FOXP2: variants seen among roughly 807,000 people sequenced by gnomAD.
FOXP2 encodes the protein forkhead box P2, also known as forkhead box protein P2.
FOXP2 carries 12 observed loss-of-function variants against 115.8 expected under a neutral mutation model. The ratio of observed to expected loss-of-function variants is 0.10; its 90% CI spans 0.07 to 0.17. The LOEUF (loss-of-function observed/expected upper bound fraction) is 0.17, where lower values mean the gene tolerates loss of function less well. FOXP2 is among the 10% of genes least tolerant of loss of function. The pLI, the probability that FOXP2 is intolerant of heterozygous loss-of-function variation, is 1.00. For synonymous variants in FOXP2, 328 were observed against 297.7 expected (o/e 1.10, Z -1.05); for missense variants, 629 against 843.5 (o/e 0.75, Z 3.15).
At chr7:114,159,506 A>AAG (rs1194701018), upstream of FOXP2, among the ~76,000 whole-genome samples, 1 of 151,714 alleles carries the variant, frequency 6.6e-6, no homozygotes, top group South Asian at 2.1e-4. Flanking sequence ...GAAAAAGAAA[A>AAG]AAACAGTAAT....
At chr7:114,248,446 T>C (rs1795348236) in intron 1 of FOXP2, among the ~76,000 whole-genome samples, 1 of 152,048 alleles carries the variant, frequency 6.6e-6, no homozygotes, top group Non-Finnish European at 1.5e-5. Flanking sequence ...ACCATCACAA[T>C]GAGAGAAAAA....
intron 1 of FOXP2, among the ~76,000 whole-genome samples, chr7:114,198,107 G>A (rs1218471760): frequency 1.3e-5 from 2 of 151,940 alleles, no homozygotes; most frequent in South Asian, 2.1e-4. Flanking sequence ...CCAGTGATCC[G>A]CCCATGTCAG....
At chr7:114,397,977 A>T (rs1402502411) in intron 2 of FOXP2, among the ~76,000 whole-genome samples, 1 of 152,124 alleles carries the variant, frequency 6.6e-6, no homozygotes, top group Non-Finnish European at 1.5e-5. Context: ...GAAATCGAAG[A>T]TTAAGTTTTT....
intron 3 of FOXP2, among the ~76,000 whole-genome samples, chr7:114,570,196 A>G (rs1456474336): frequency 6.6e-6 from 1 of 151,946 alleles, no homozygotes; most frequent in Admixed American, 6.6e-5. Context: ...GTAGTTTTCA[A>G]TGCAAATGGT....
At position 114,561,364 on chromosome 7, in the gene FOXP2, T is replaced by C. The variant is rs534013069; in HGVS notation, c.258+26658T>C. 3.9e-5 allele frequency: 6 copies of C among 152,306 alleles called. No homozygotes were observed. The South Asian group carries it at 1.2e-3, about 32-fold the overall frequency. The allele number at this position is 152,306 out of a possible 1,614,324, so 9.4% of individuals were successfully genotyped here. On this transcript the variant is annotated intron_variant, in intron 3 of 16. Coordinates refer to ENST00000350908, the MANE Select transcript of FOXP2 (RefSeq NM_014491.4). Reference sequence around the variant, plus strand: ...GAAACTCAAGACAATAGAAAACTACTGGACAATAGCACCAAGTAATGTATT... The same window carrying C: ...GAAACTCAAGACAATAGAAAACTACCGGACAATAGCACCAAGTAATGTATT...
chr7:114,266,339 A>T (rs1795892999), intron 1 of FOXP2, among the ~76,000 whole-genome samples: 1 of 152,202 alleles, frequency 6.6e-6, no homozygotes, highest in Admixed American at 6.5e-5. Flanking sequence ...TATAGAGGAA[A>T]TACCTTAGAC....
At chr7:114,687,762 C>T (rs1250796116) in intron 16 of FOXP2, among the ~76,000 whole-genome samples, 1 of 152,052 alleles carries the variant, frequency 6.6e-6, no homozygotes, top group Admixed American at 6.6e-5. Context: ...TCATAAAGCT[C>T]AAGGGACCCT....
intron 1 of FOXP2, among the ~76,000 whole-genome samples, chr7:114,097,058 A>G (rs970062762): frequency 9.9e-5 from 15 of 152,160 alleles, no homozygotes; most frequent in African/African-American, 3.6e-4. Context: ...TACTTTTATT[A>G]TGGTTTATTA....
intron 2 of FOXP2, among the ~76,000 whole-genome samples, chr7:114,407,919 A>C (rs2129198041): frequency 6.6e-6 from 1 of 152,280 alleles, no homozygotes. Context: ...ATGTTTCATC[A>C]AGGACAGCTT....
chr7:114,406,915 A>T lies in FOXP2; in HGVS notation c.-10-19587A>T, dbSNP rs554233425. Among the ~76,000 whole-genome samples, 12 of 152,136 alleles carry T rather than the reference A, an allele frequency of 7.9e-5. No individual in the cohort carries two copies. The South Asian group carries it at 2.5e-3, about 32-fold the overall frequency. On this transcript the variant is annotated intron_variant, in intron 2 of 17. Transcript: ENST00000634411. ...CATTGCCATTAAAATACAAAATTAG[A>T]AGTAAAGTTGGAAGCGTTTAAGAAT... is the stretch of plus-strand genomic sequence containing the variant.
At chr7:114,633,359 T>A (rs1449090054) in intron 6 of FOXP2, among the ~76,000 whole-genome samples, 4 of 152,200 alleles carry the variant, frequency 2.6e-5, no homozygotes, top group African/African-American at 9.6e-5. Context: ...CATAGAATCC[T>A]TGTTTCTCTC....
chr7:114,580,901 C>A (rs925609383), intron 3 of FOXP2, among the ~76,000 whole-genome samples: 1 of 151,920 alleles, frequency 6.6e-6, no homozygotes, highest in African/African-American at 2.4e-5. Flanking sequence ...ATACAGGAGA[C>A]TAGAGTCCCA....
intron 2 of FOXP2, among the ~76,000 whole-genome samples, chr7:114,290,513 A>G (rs930813007): frequency 5.3e-5 from 8 of 152,132 alleles, no homozygotes; most frequent in Non-Finnish European, 1.2e-4. Flanking sequence ...TTTCATAAAT[A>G]CTTATTAAAG....
intron 2 of FOXP2, among the ~76,000 whole-genome samples, chr7:114,358,191 C>T (rs12705959): frequency 0.39 from 59,664 of 151,986 alleles, 12,652 homozygotes; most frequent in East Asian, 0.5. Context: ...CTTCCCTGAA[C>T]GCACTTTCTT....
At chr7:114,300,048 G>A (rs147017399) in intron 2 of FOXP2, among the ~76,000 whole-genome samples, 4,282 of 150,772 alleles carry the variant, frequency 0.028, 93 homozygotes, top group Middle Eastern at 0.048. Flanking sequence ...ACACACACAC[G>A]TACACACACT....
intron 2 of FOXP2, among the ~76,000 whole-genome samples, chr7:114,481,767 TC>T (rs1432715291): frequency 1.5e-5 from 1 of 67,724 alleles, no homozygotes; most frequent in East Asian, 6.7e-4. Context: ...GGAAACTCTA[TC>T]TATCTATCTA....
intron 1 of FOXP2, among the ~76,000 whole-genome samples, chr7:114,095,651 C>T (rs1409967416): frequency 6.6e-6 from 1 of 152,164 alleles, no homozygotes; most frequent in Admixed American, 6.5e-5. Context: ...ACGCTTCTAT[C>T]ATTACCATCC....
At chr7:114,460,925 T>C (rs1238270317) in intron 2 of FOXP2, among the ~76,000 whole-genome samples, 2 of 152,208 alleles carry the variant, frequency 1.3e-5, no homozygotes, top group Non-Finnish European at 2.9e-5. Context: ...TTTCTTCCTC[T>C]ATCCGAATCT....
intron 2 of FOXP2, among the ~76,000 whole-genome samples, chr7:114,351,245 C>G (rs764784787): frequency 6.6e-6 from 1 of 152,032 alleles, no homozygotes; most frequent in Non-Finnish European, 1.5e-5. Flanking sequence ...AAACAGAGAA[C>G]TATTAGAATA....
Sources: gnomAD v4.1 joint callset for allele counts (sites outside exome capture counted in the v4.1 genomes callset) on GRCh38, gnomAD v4.1.1 for gene constraint, MANE v1.5 for transcripts, NCBI Gene and HGNC (gene_info 2026-07-23, HGNC 2026-07-21) for gene names.